PTPRD: variants seen among roughly 807,000 people sequenced by gnomAD.
The protein encoded by PTPRD is protein tyrosine phosphatase receptor type D.
In PTPRD, 34 loss-of-function variants were observed where a neutral mutation model predicts 214.5. The observed-to-expected ratio is 0.16, with a 90% CI of 0.12 to 0.21. PTPRD has a LOEUF of 0.21. Among genes scored for constraint, PTPRD ranks in the 10% least tolerant of loss-of-function variants. PTPRD has a pLI of 1.00. For missense variants in PTPRD, 2,545 were observed against 2,398.7 expected, an observed-to-expected ratio of 1.06 and a Z score of -1.27; for synonymous variants, 1,128 against 845.7, an observed-to-expected ratio of 1.33 and a Z score of -5.79.
intron 4 of PTPRD, among the ~76,000 whole-genome samples, chr9:9,944,186 C>A (rs959033146): frequency 6.6e-6 from 1 of 152,110 alleles, no homozygotes; most frequent in African/African-American, 2.4e-5. Flanking sequence ...TTTGCCCATT[C>A]TTGCTTTGTT....
At chr9:9,488,518 C>T (rs1402705397) in intron 8 of PTPRD, among the ~76,000 whole-genome samples, 2 of 152,078 alleles carry the variant, frequency 1.3e-5, no homozygotes, top group Non-Finnish European at 2.9e-5. Flanking sequence ...GCAATGAAGT[C>T]CTCAAATCTG....
chr9:9,430,093 G>A (rs1172067862), intron 8 of PTPRD, among the ~76,000 whole-genome samples: 3 of 152,154 alleles, frequency 2.0e-5, no homozygotes, highest in Non-Finnish European at 2.9e-5. Context: ...ATTCACTTAG[G>A]AAAAGAGGAA....
chr9:8,995,321 A>G (rs546720252), intron 11 of PTPRD, among the ~76,000 whole-genome samples: 116 of 152,094 alleles, frequency 7.6e-4, no homozygotes, highest in Non-Finnish European at 1.4e-3. Context: ...ATTCACAAGT[A>G]AAGTGATATG....
At chr9:8,636,372 C>T (rs2096434119) in intron 13 of PTPRD, among the ~76,000 whole-genome samples, 1 of 152,094 alleles carries the variant, frequency 6.6e-6, no homozygotes, top group South Asian at 2.1e-4. Flanking sequence ...TGAGAGGCTT[C>T]TGGAAGAGAC....
intron 3 of PTPRD, among the ~76,000 whole-genome samples, chr9:10,107,446 T>C (rs1026406068): frequency 3.0e-4 from 45 of 152,198 alleles, no homozygotes; most frequent in African/African-American, 8.7e-4. Context: ...AGCCCTGGAA[T>C]TGCCGTTAGA....
intron 3 of PTPRD, among the ~76,000 whole-genome samples, chr9:10,339,331 G>T (rs985526977): frequency 2.0e-5 from 3 of 151,698 alleles, no homozygotes; most frequent in African/African-American, 7.3e-5. Flanking sequence ...CAATCAAAAT[G>T]CTTTAGCATA....
chr9:9,563,262 G>T lies in PTPRD; in HGVS notation c.-237+11470C>A, dbSNP rs1487341389. Among the ~76,000 whole-genome samples, 3 of 152,116 alleles carry T rather than the reference G, an allele frequency of 2.0e-5. No homozygotes were observed. In the East Asian group the frequency reaches 5.8e-4, roughly 29 times the overall value. On this transcript the variant is annotated intron_variant, in intron 8 of 45. Coordinates refer to ENST00000381196, the MANE Select transcript of PTPRD (RefSeq NM_002839.4). ...AAATGTGAGAAGAATCCATGGCTTA[G>T]GTGCGCTGTGCAAATTTGCTGGGTT...
rs557905750 is a variant in PTPRD at position 9,228,321 on chromosome 9, T to A, written c.-202-44958A>T. On this transcript the variant is annotated intron_variant, in intron 9 of 45. Coordinates refer to ENST00000381196, the MANE Select transcript of PTPRD (RefSeq NM_002839.4). ...AGAAACTCCCAGATGGAATAAGAAATGTTGAAAAAATTTAAACTCATTCTT... is the reference window on the plus strand; with the variant it reads ...AGAAACTCCCAGATGGAATAAGAAAAGTTGAAAAAATTTAAACTCATTCTT... Among the ~76,000 whole-genome samples the A allele has an allele frequency of 1.5e-4, 23 of 152,216 alleles. No homozygotes were observed. The South Asian group carries it at 4.8e-3, about 32-fold the overall frequency.
chr9:8,816,817 T>G (rs1233756933), intron 11 of PTPRD, among the ~76,000 whole-genome samples: 1 of 152,174 alleles, frequency 6.6e-6, no homozygotes, highest in East Asian at 1.9e-4. Context: ...AGAAAGGGAA[T>G]TTTACCTAGC....
intron 14 of PTPRD, among the ~76,000 whole-genome samples, chr9:8,631,808 G>A (rs753376645): frequency 6.6e-6 from 1 of 151,596 alleles, no homozygotes; most frequent in Non-Finnish European, 1.5e-5. Flanking sequence ...TTTAGCAACT[G>A]GAAATTTCAA....
chr9:9,348,110 T>G (rs954748074), intron 9 of PTPRD, among the ~76,000 whole-genome samples: 3 of 152,176 alleles, frequency 2.0e-5, no homozygotes, highest in Non-Finnish European at 4.4e-5. Flanking sequence ...TGCTAATGCA[T>G]TCTTTCAATG....
intron 11 of PTPRD, among the ~76,000 whole-genome samples, chr9:8,791,228 TTTTC>T (rs140608143): frequency 0.027 from 4,124 of 152,042 alleles, 160 homozygotes; most frequent in African/African-American, 0.088. Flanking sequence ...TTTTTTTCCT[TTTTC>T]TTTTTCTTTT....
At chr9:10,191,485 C>T (rs1454004014) in intron 3 of PTPRD, among the ~76,000 whole-genome samples, 2 of 152,036 alleles carry the variant, frequency 1.3e-5, no homozygotes, top group Admixed American at 1.3e-4. Context: ...TAATTGAGCT[C>T]AGGAGAAGGG....
chr9:9,155,693 A>G (rs1382498403), intron 10 of PTPRD, among the ~76,000 whole-genome samples: 8 of 152,112 alleles, frequency 5.3e-5, no homozygotes, highest in Non-Finnish European at 8.8e-5. Context: ...GCCTGGGCCA[A>G]TGTTTGCTTG....
At chr9:10,406,046 T>C (rs989728224) in intron 2 of PTPRD, among the ~76,000 whole-genome samples, 15 of 151,302 alleles carry the variant, frequency 9.9e-5, no homozygotes, top group African/African-American at 3.6e-4. Context: ...CTCAGATCAA[T>C]ATTTCTTGGA....
chr9:9,161,042 G>A (rs2154493924), intron 10 of PTPRD, among the ~76,000 whole-genome samples: 1 of 152,220 alleles, frequency 6.6e-6, no homozygotes, highest in African/African-American at 2.4e-5. Context: ...ATATGGGGCA[G>A]GGGGTGGCAG....
chr9:10,581,608 T>C (rs1216803961), intron 2 of PTPRD, among the ~76,000 whole-genome samples: 7 of 152,182 alleles, frequency 4.6e-5, no homozygotes, highest in Admixed American at 3.9e-4. Flanking sequence ...ATCAAATTAA[T>C]GCCAGTACAC....
intron 11 of PTPRD, among the ~76,000 whole-genome samples, chr9:8,829,511 C>CT (rs58255683): frequency 0.46 from 70,506 of 151,872 alleles, 16,886 homozygotes; most frequent in African/African-American, 0.59. Flanking sequence ...TAAAACGTGA[C>CT]TTTTTTGGAA....
intron 7 of PTPRD, among the ~76,000 whole-genome samples, chr9:9,579,938 G>A (rs1450459676): frequency 2.0e-5 from 3 of 152,028 alleles, no homozygotes; most frequent in Non-Finnish European, 4.4e-5. Context: ...CCACTTATAA[G>A]AGAGAATATG....
Sources: allele counts gnomAD v4.1 joint callset (sites outside exome capture counted in the v4.1 genomes callset), GRCh38; gene constraint gnomAD v4.1.1; transcripts MANE v1.5; gene names NCBI Gene and HGNC (gene_info 2026-07-23, HGNC 2026-07-21).